Variants in RASGRF1 observed in about 807,000 individuals in gnomAD.
RASGRF1 encodes Ras protein specific guanine nucleotide releasing factor 1.
Under a neutral mutation model 138.7 loss-of-function variants are expected in RASGRF1, and 40 were observed. The ratio of observed to expected loss-of-function variants is 0.29; its 90% CI spans 0.22 to 0.38. RASGRF1 has a LOEUF of 0.38. Ranked by LOEUF, RASGRF1 falls within the 10% of genes least tolerant of loss-of-function variation. RASGRF1 has a pLI of 1.00. For missense variants in RASGRF1, 1,108 were observed against 1,650.4 expected, an observed-to-expected ratio of 0.67 and a Z score of 5.69; for synonymous variants, 614 against 663.2, an observed-to-expected ratio of 0.93 and a Z score of 1.14.
intron 21 of RASGRF1, among the ~76,000 whole-genome samples, chr15:78,990,494 C>T (rs892663587): frequency 6.6e-6 from 1 of 152,314 alleles, no homozygotes; most frequent in East Asian, 1.9e-4. Context: ...CTCAGGGCTT[C>T]AGTTTCCTTA....
At chr15:79,013,708 T>A (rs1054979555) in intron 13 of RASGRF1, among the ~76,000 whole-genome samples, 1 of 151,852 alleles carries the variant, frequency 6.6e-6, no homozygotes, top group African/African-American at 2.4e-5. Context: ...GGCTCCAGGG[T>A]TGGGGCAGGA....
intron 9 of RASGRF1, among the ~76,000 whole-genome samples, chr15:79,026,933 G>A (rs1303501757): frequency 1.3e-5 from 2 of 152,104 alleles, no homozygotes; most frequent in South Asian, 2.1e-4. Flanking sequence ...ACAGGGGCTG[G>A]GACAAAACTC....
intron 13 of RASGRF1, among the ~76,000 whole-genome samples, chr15:79,014,117 GACTT>G (rs2056841814): frequency 6.6e-6 from 1 of 152,108 alleles, no homozygotes; most frequent in Non-Finnish European, 1.5e-5. Flanking sequence ...GAAAAGGTAA[GACTT>G]CTGTAACCCT....
intron 13 of RASGRF1, among the ~76,000 whole-genome samples, chr15:79,010,446 T>C (rs2056773996): frequency 6.6e-6 from 1 of 152,202 alleles, no homozygotes; most frequent in South Asian, 2.1e-4. Context: ...GAGCTGTGCT[T>C]CCAGACTCAA....
chr15:79,016,880 C>T (rs553848285), intron 12 of RASGRF1, among the ~76,000 whole-genome samples: 4 of 152,318 alleles, frequency 2.6e-5, no homozygotes, highest in East Asian at 1.9e-4. Context: ...TCAGTTTCTA[C>T]AGGCACAGGC....
chr15:78,986,497 C>T (rs550384651), intron 22 of RASGRF1, among the ~76,000 whole-genome samples: 9 of 152,080 alleles, frequency 5.9e-5, no homozygotes, highest in Middle Eastern at 3.4e-3. Context: ...CAGGCACACA[C>T]CACCATGCCT....
At chr15:79,068,473 A>C (rs906753377) in intron 1 of RASGRF1, among the ~76,000 whole-genome samples, 2 of 116,332 alleles carry the variant, frequency 1.7e-5, no homozygotes, top group Non-Finnish European at 3.8e-5. Flanking sequence ...TTTTGAGCCT[A>C]TATATATATA....
chr15:78,970,389 C>T lies in RASGRF1; in HGVS notation c.3681+1477G>A, dbSNP rs947157955. ...TACAAAAATTATTGGGGCATAGTGGCGTGCCAGACCAGCCATTCTCTTACA... is the reference window on the plus strand; with the variant it reads ...TACAAAAATTATTGGGGCATAGTGGTGTGCCAGACCAGCCATTCTCTTACA... On this transcript the variant is annotated intron_variant, in intron 26 of 26. Coordinates refer to ENST00000558480, the MANE Select transcript of RASGRF1 (RefSeq NM_001145648.3). Among the ~76,000 whole-genome samples, 57 of 151,954 alleles carry T rather than the reference C, an allele frequency of 3.8e-4. 1 individual carries two copies. The highest frequency in any genetic ancestry group is 6.2e-4 in the South Asian group (3 of 4,816).
intron 3 of RASGRF1, among the ~76,000 whole-genome samples, chr15:79,055,856 C>T (rs1332569894): frequency 6.6e-5 from 10 of 152,202 alleles, no homozygotes; most frequent in Non-Finnish European, 8.8e-5. Flanking sequence ...TGCTTCCCAC[C>T]GAGCCTGACA....
chr15:79,065,161 G>A (rs1006161336), intron 1 of RASGRF1, among the ~76,000 whole-genome samples: 7 of 152,226 alleles, frequency 4.6e-5, no homozygotes, highest in Non-Finnish European at 8.8e-5. Context: ...TTGGCACCTA[G>A]TAAGCACTGT....
intron 3 of RASGRF1, among the ~76,000 whole-genome samples, chr15:79,056,570 C>T (rs4778626): frequency 0.1 from 15,549 of 152,198 alleles, 864 homozygotes; most frequent in Admixed American, 0.14. Flanking sequence ...GGGCAAGTGA[C>T]TTGGGCTCTC....
At chr15:78,978,274 G>C (rs2055924147) in intron 24 of RASGRF1, 1 of 142,718 alleles carries the variant, frequency 7.0e-6, no homozygotes, top group African/African-American at 2.8e-5. Flanking sequence ...ACCTAGACTG[G>C]AGTGCAGTGG....
intron 1 of RASGRF1, among the ~76,000 whole-genome samples, chr15:79,071,518 C>A (rs2057755369): frequency 6.7e-6 from 1 of 150,162 alleles, no homozygotes; most frequent in Non-Finnish European, 1.5e-5. Context: ...CGCCGCCATG[C>A]CCGGCTAATT....
chr15:79,071,317 TTC>T (rs965753265), intron 1 of RASGRF1, among the ~76,000 whole-genome samples: 1 of 151,738 alleles, frequency 6.6e-6, no homozygotes, highest in African/African-American at 2.4e-5. Context: ...TTCTTTCCAT[TTC>T]TCTCTCTCTC....
intron 15 of RASGRF1, among the ~76,000 whole-genome samples, chr15:79,003,320 C>T (rs1475224999): frequency 2.0e-5 from 3 of 152,246 alleles, no homozygotes; most frequent in Admixed American, 6.5e-5. Context: ...CCTGGAGCAT[C>T]CTCCTGACAC....
intron 1 of RASGRF1, among the ~76,000 whole-genome samples, chr15:79,080,357 G>A (rs1310565623): frequency 6.6e-6 from 1 of 152,236 alleles, no homozygotes; most frequent in African/African-American, 2.4e-5. Context: ...ATTGAGGGAG[G>A]AAAGGGGGTG....
intron 14 of RASGRF1, among the ~76,000 whole-genome samples, chr15:79,005,833 T>A (rs2056660432): frequency 6.6e-6 from 1 of 151,480 alleles, no homozygotes; most frequent in Admixed American, 6.6e-5. Flanking sequence ...TTCCTTTCTC[T>A]TTTTTCACCA....
chr15:78,982,809 A>G (rs553411206), intron 23 of RASGRF1, among the ~76,000 whole-genome samples: 1 of 152,264 alleles, frequency 6.6e-6, no homozygotes, highest in Admixed American at 6.5e-5. Context: ...AGCGATCCCC[A>G]GGAGAGGCGA....
At chr15:78,972,690 A>G (rs2055789956) in intron 25 of RASGRF1, among the ~76,000 whole-genome samples, 1 of 152,146 alleles carries the variant, frequency 6.6e-6, no homozygotes, top group Non-Finnish European at 1.5e-5. Flanking sequence ...GTCAAGGCCC[A>G]TTATATAAAA....
Sources: gnomAD v4.1 joint callset for allele counts (sites outside exome capture counted in the v4.1 genomes callset) on GRCh38, gnomAD v4.1.1 for gene constraint, MANE v1.5 for transcripts, NCBI Gene and HGNC (gene_info 2026-07-23, HGNC 2026-07-21) for gene names.